Variants in ROBO2 observed in about 807,000 individuals in gnomAD.
ROBO2 encodes the protein roundabout guidance receptor 2, also known as roundabout homolog 2.
In ROBO2, 53 loss-of-function variants were observed where a neutral mutation model predicts 160.8. The ratio of observed to expected loss-of-function variants is 0.33; its 90% CI spans 0.26 to 0.41. The LOEUF is 0.41. Ranked by LOEUF, ROBO2 falls within the 10% of genes least tolerant of loss-of-function variation. The pLI, the probability that ROBO2 is intolerant of heterozygous loss-of-function variation, is 1.00. For synonymous variants in ROBO2, 664 were observed against 611.7 expected, an observed-to-expected ratio of 1.09 and a Z score of -1.26; for missense variants, 1,577 against 1,722.4, an observed-to-expected ratio of 0.92 and a Z score of 1.49.
intron 2 of ROBO2, among the ~76,000 whole-genome samples, chr3:76,151,839 G>T (rs1299045427): frequency 6.6e-6 from 1 of 152,010 alleles, no homozygotes; most frequent in African/African-American, 2.4e-5. Context: ...TCATCGGAAG[G>T]AAATATAGTT....
chr3:76,726,142 T>A (rs1309553251), intron 2 of ROBO2, among the ~76,000 whole-genome samples: 3 of 152,018 alleles, frequency 2.0e-5, no homozygotes, highest in Non-Finnish European at 2.9e-5. Flanking sequence ...CAGACTCACT[T>A]CTTTTTGCTT....
chr3:77,628,252 G>T (rs1267922623), intron 23 of ROBO2, among the ~76,000 whole-genome samples: 1 of 152,206 alleles, frequency 6.6e-6, no homozygotes, highest in African/African-American at 2.4e-5. Flanking sequence ...TGTCAAATTG[G>T]TATGGAGTGC....
chr3:76,895,544 C>A (rs977447145), intron 2 of ROBO2, among the ~76,000 whole-genome samples: 1 of 151,954 alleles, frequency 6.6e-6, no homozygotes, highest in Non-Finnish European at 1.5e-5. Flanking sequence ...ATGATTAGAA[C>A]CAAGTACCAT....
At chr3:76,418,864 T>C (rs1301001751) in intron 2 of ROBO2, among the ~76,000 whole-genome samples, 1 of 152,204 alleles carries the variant, frequency 6.6e-6, no homozygotes, top group African/African-American at 2.4e-5. Flanking sequence ...TTACCTAGTT[T>C]ACTGGTGAAA....
intron 2 of ROBO2, among the ~76,000 whole-genome samples, chr3:76,444,726 A>G (rs13087503): frequency 6.6e-6 from 1 of 151,992 alleles, no homozygotes; most frequent in Admixed American, 6.6e-5. Context: ...TTTATTCAAG[A>G]TGATATTTGA....
chr3:76,254,558 TAGAG>T (rs1706238111), intron 2 of ROBO2, among the ~76,000 whole-genome samples: 1 of 152,002 alleles, frequency 6.6e-6, no homozygotes, highest in South Asian at 2.1e-4. Context: ...AAAGTTAAAT[TAGAG>T]AGACTGGAAG....
intron 2 of ROBO2, among the ~76,000 whole-genome samples, chr3:77,109,801 T>C (rs973201701): frequency 2.6e-5 from 4 of 152,232 alleles, no homozygotes; most frequent in Non-Finnish European, 5.9e-5. Flanking sequence ...CTTTCTTAAT[T>C]ACTATGCTAA....
intron 2 of ROBO2, among the ~76,000 whole-genome samples, chr3:76,739,176 C>A (rs977445517): frequency 6.6e-6 from 1 of 152,126 alleles, no homozygotes; most frequent in African/African-American, 2.4e-5. Context: ...AAGACACACG[C>A]ACACATATGT....
chr3:76,895,173 G>T (rs1473339450), intron 2 of ROBO2, among the ~76,000 whole-genome samples: 2 of 151,628 alleles, frequency 1.3e-5, no homozygotes, highest in Non-Finnish European at 2.9e-5. Flanking sequence ...AAGTATCTGG[G>T]TGATCATTTT....
chr3:77,336,085 C>A (rs7427747), intron 2 of ROBO2, among the ~76,000 whole-genome samples: 141,357 of 152,228 alleles, frequency 0.93, 66,499 homozygotes, highest in East Asian at 1. Flanking sequence ...CCTCATAGTG[C>A]TGGCTTTGGA....
At chr3:76,112,131 T>C (rs114876032) in intron 2 of ROBO2, among the ~76,000 whole-genome samples, 79 of 152,284 alleles carry the variant, frequency 5.2e-4, no homozygotes, top group African/African-American at 1.9e-3. Flanking sequence ...GCTTCCCTTA[T>C]TCATCACAGC....
chr3:76,267,287 T>C (rs1295077589), intron 2 of ROBO2, among the ~76,000 whole-genome samples: 1 of 152,198 alleles, frequency 6.6e-6, no homozygotes, highest in Non-Finnish European at 1.5e-5. Flanking sequence ...TTAAGATAAA[T>C]GCTTTTATAA....
intron 2 of ROBO2, among the ~76,000 whole-genome samples, chr3:76,011,584 A>G (rs1015491306): frequency 1.3e-5 from 2 of 152,198 alleles, no homozygotes; most frequent in Non-Finnish European, 2.9e-5. Flanking sequence ...TTCAGTTACA[A>G]GGAAGTGATC....
At chr3:77,540,690 T>C (rs1488582035) in intron 6 of ROBO2, among the ~76,000 whole-genome samples, 1 of 152,158 alleles carries the variant, frequency 6.6e-6, no homozygotes, top group East Asian at 1.9e-4. Flanking sequence ...CATTTACCTA[T>C]GTAACAAACC....
At chr3:76,370,175 T>C (rs1017041719) in intron 2 of ROBO2, among the ~76,000 whole-genome samples, 1 of 151,944 alleles carries the variant, frequency 6.6e-6, no homozygotes, top group African/African-American at 2.4e-5. Context: ...TTTTCTTTTT[T>C]TTTGGTTCCA....
intron 2 of ROBO2, among the ~76,000 whole-genome samples, chr3:76,375,225 A>G (rs1305939587): frequency 2.0e-5 from 3 of 151,940 alleles, no homozygotes; most frequent in Admixed American, 1.3e-4. Flanking sequence ...TTTGTGTTAG[A>G]AAGTTTTCTG....
chr3:77,550,372 A>G (rs2153653022), intron 7 of ROBO2, among the ~76,000 whole-genome samples: 1 of 152,152 alleles, frequency 6.6e-6, no homozygotes, highest in Non-Finnish European at 1.5e-5. Context: ...AATGATCAAC[A>G]GCAATCATAT....
At chr3:76,699,280 A>C (rs1199263125) in intron 2 of ROBO2, among the ~76,000 whole-genome samples, 1 of 152,154 alleles carries the variant, frequency 6.6e-6, no homozygotes, top group Admixed American at 6.6e-5. Context: ...CTGTTGAATA[A>C]ACAAAATTTG....
intron 2 of ROBO2, among the ~76,000 whole-genome samples, chr3:76,250,704 A>G (rs1705939365): frequency 6.6e-6 from 1 of 152,078 alleles, no homozygotes; most frequent in Non-Finnish European, 1.5e-5. Context: ...CACTCGAAAC[A>G]ATGCTTTGCA....
Sources: allele counts gnomAD v4.1 joint callset (sites outside exome capture counted in the v4.1 genomes callset), GRCh38; gene constraint gnomAD v4.1.1; transcripts MANE v1.5; gene names NCBI Gene and HGNC (gene_info 2026-07-23, HGNC 2026-07-21).